Variants in COL14A1 observed in about 807,000 individuals in gnomAD.
The protein encoded by COL14A1 is collagen alpha-1(XIV) chain.
In COL14A1, 136 loss-of-function variants were observed where a neutral mutation model predicts 230.3. The observed-to-expected ratio is 0.59, with a 90% CI of 0.51 to 0.68. The LOEUF (loss-of-function observed/expected upper bound fraction) is 0.68, where lower values mean the gene tolerates loss of function less well. Ranked by LOEUF, COL14A1 falls within the 30% of genes least tolerant of loss-of-function variation. The pLI is 0.00. For synonymous variants in COL14A1, 792 were observed against 784.1 expected (o/e 1.01, Z -0.17); for missense variants, 1,976 against 2,215.8 (o/e 0.89, Z 2.17).
At chr8:120,213,860 C>T (rs1057413612) in intron 13 of COL14A1, 2 of 344,500 alleles carry the variant, frequency 5.8e-6, no homozygotes, top group Non-Finnish European at 5.6e-6. Flanking sequence ...AATAGAATTC[C>T]AGAAAAATTT....
At chr8:120,266,692 T>A (rs573619531) in intron 24 of COL14A1, 135 bp from the exon 25 acceptor site, 2 of 730,880 alleles carry the variant, frequency 2.7e-6, no homozygotes, top group East Asian at 5.1e-5. Flanking sequence ...GGCTGATTTA[T>A]AGTACTCATT....
intron 45 of COL14A1, among the ~76,000 whole-genome samples, chr8:120,346,356 T>G (rs1360296898): frequency 2.0e-5 from 3 of 152,178 alleles, no homozygotes; most frequent in African/African-American, 7.2e-5. Flanking sequence ...GGGTTGCATG[T>G]TAACCGTGAA....
At chr8:120,361,765 G>A (rs1586899061) in intron 45 of COL14A1, among the ~76,000 whole-genome samples, 1 of 152,166 alleles carries the variant, frequency 6.6e-6, no homozygotes, top group Non-Finnish European at 1.5e-5. Flanking sequence ...GAGTGACTGT[G>A]CTCCACAAAC....
At chr8:120,219,076 G>C (rs925853525) in intron 14 of COL14A1, among the ~76,000 whole-genome samples, 1 of 151,226 alleles carries the variant, frequency 6.6e-6, no homozygotes, top group Admixed American at 6.6e-5. Flanking sequence ...CATTCTTTTA[G>C]TCCATTTGGT....
At chr8:120,185,833 C>T (rs1265645845) in intron 5 of COL14A1, among the ~76,000 whole-genome samples, 2 of 152,126 alleles carry the variant, frequency 1.3e-5, no homozygotes, top group African/African-American at 4.8e-5. Flanking sequence ...AGTGCAATGG[C>T]GTGATCTTGG....
chr8:120,223,907 C>A (rs897849991), intron 14 of COL14A1, among the ~76,000 whole-genome samples: 1 of 151,640 alleles, frequency 6.6e-6, no homozygotes, highest in South Asian at 2.1e-4. Context: ...ATGTGGTCTA[C>A]AATATGCACC....
At position 120,280,037 on chromosome 8, in the gene COL14A1, T is replaced by C. The variant is rs767867838; in HGVS notation, c.3584T>C (p.Phe1195Ser). Residue 1195 changes from phenylalanine (F) to serine (S), a missense_variant, in exon 29 of 48, where the codon TTT (phenylalanine) becomes TCT (serine). Coordinates refer to ENST00000297848, the MANE Select transcript of COL14A1 (RefSeq NM_021110.4). Reference protein sequence around the residue: ...SARHVFFVDDFDAFKKIEDEL... With the variant: ...SARHVFFVDDSDAFKKIEDEL... ...CGCCATGTCTTCTTTGTGGATGACT[T>C]TGACGCCTTTAAGAAAATCGAAGAT... is the stretch of plus-strand genomic sequence containing the variant. 1.2e-6 allele frequency: 2 copies of C among 1,613,928 alleles called. No homozygotes were observed. The highest frequency in any genetic ancestry group is 1.1e-5 in the South Asian group (1 of 91,076).
At chr8:120,319,926 C>A (rs1013670852) in intron 40 of COL14A1, among the ~76,000 whole-genome samples, 1 of 152,106 alleles carries the variant, frequency 6.6e-6, no homozygotes, top group African/African-American at 2.4e-5. Flanking sequence ...AAAGCATTTT[C>A]GTCTCATCTT....
At chr8:120,283,483 C>A (rs898783087) in intron 31 of COL14A1, among the ~76,000 whole-genome samples, 153 bp from the exon 32 acceptor site, 4 of 152,122 alleles carry the variant, frequency 2.6e-5, no homozygotes, top group Non-Finnish European at 5.9e-5. Context: ...ACATTCTTTA[C>A]TAAATTAGAT....
intron 14 of COL14A1, among the ~76,000 whole-genome samples, chr8:120,224,281 C>A (rs1818027784): frequency 6.6e-6 from 1 of 152,042 alleles, no homozygotes; most frequent in Non-Finnish European, 1.5e-5. Flanking sequence ...CCTGCCTCGG[C>A]CTCCCAAAGT....
At chr8:120,166,875 AGTGTGTGTGTGTGTGT>A (rs4053270) in intron 4 of COL14A1, among the ~76,000 whole-genome samples, 96 of 117,062 alleles carry the variant, frequency 8.2e-4, no homozygotes, top group Middle Eastern at 4.2e-3. Context: ...AAAGAATTTA[AGTGTGTGTGTGTGTGT>A]GTGTGTGTGT....
chr8:120,216,261 T>C (rs764065761), intron 13 of COL14A1, 90 bp from the exon 14 acceptor site: 21 of 1,039,484 alleles, frequency 2.0e-5, no homozygotes, highest in Non-Finnish European at 2.8e-5. Flanking sequence ...ACTTTTCATA[T>C]GTAAATAGTT....
chr8:120,313,743 T>C (rs1344927382), intron 37 of COL14A1, among the ~76,000 whole-genome samples, 189 bp from the exon 38 acceptor site: 1 of 152,238 alleles, frequency 6.6e-6, no homozygotes, highest in African/African-American at 2.4e-5. Context: ...TTTACTCTTA[T>C]GGTTTACTGA....
In COL14A1 at chr8:120,183,059, G is replaced by A. The variant is rs569647951; in HGVS notation, c.437-13732G>A. On this transcript the variant is annotated intron_variant, in intron 5 of 47. Transcript: ENST00000297848. ...AACTTTATGTAAAAATATATAAAAG[G>A]ATCACATATTTTCAAAGGAATTAAA... Among the ~76,000 whole-genome samples, 39 of 152,202 alleles carry A rather than the reference G, an allele frequency of 2.6e-4. No homozygotes were observed. In the South Asian group the frequency reaches 8.1e-3, roughly 32 times the overall value.
At chr8:120,342,334 G>T (rs1025941241) in intron 43 of COL14A1, 46 bp from the exon 44 acceptor site, 3 of 1,581,988 alleles carry the variant, frequency 1.9e-6, no homozygotes, top group Non-Finnish European at 2.6e-6. Context: ...TGGTAGTGTG[G>T]CTGGGCTTGT....
chr8:120,218,128 AAATATAT>A (rs1817817605), intron 14 of COL14A1, among the ~76,000 whole-genome samples: 1 of 137,800 alleles, frequency 7.3e-6, no homozygotes, highest in Non-Finnish European at 1.5e-5. Context: ...ATCTATATAA[AAATATAT>A]AATATATAAA....
intron 36 of COL14A1, among the ~76,000 whole-genome samples, chr8:120,305,483 T>G (rs1453578986): frequency 6.6e-6 from 1 of 152,146 alleles, no homozygotes; most frequent in African/African-American, 2.4e-5. Context: ...ATTTGTAACA[T>G]ATATTTTCTT....
intron 1 of COL14A1, 54 bp from the exon 2 acceptor site, chr8:120,147,752 C>T: frequency 1.1e-6 from 1 of 890,786 alleles, no homozygotes; most frequent in Non-Finnish European, 1.8e-6. Context: ...TAAATGATTA[C>T]ATATACTTTA....
At chr8:120,356,656 G>T (rs991609951) in intron 45 of COL14A1, among the ~76,000 whole-genome samples, 1 of 151,406 alleles carries the variant, frequency 6.6e-6, no homozygotes, top group Non-Finnish European at 1.5e-5. Flanking sequence ...AAAAGTACAG[G>T]ATAACATATC....
Sources: gnomAD v4.1 joint callset for allele counts (sites outside exome capture counted in the v4.1 genomes callset) on GRCh38, gnomAD v4.1.1 for gene constraint, MANE v1.5 for transcripts, NCBI Gene and HGNC (gene_info 2026-07-23, HGNC 2026-07-21) for gene names.